The following MARCHF4 variants were observed in gnomAD, a reference collection of about 807,000 sequenced individuals.
MARCHF4 encodes membrane associated ring-CH-type finger 4, also known as E3 ubiquitin-protein ligase MARCHF4.
MARCHF4 carries 14 observed loss-of-function variants against 43.9 expected under a neutral mutation model. The ratio of observed to expected loss-of-function variants is 0.32; its 90% CI spans 0.21 to 0.50. The LOEUF (loss-of-function observed/expected upper bound fraction) is 0.50, where lower values mean the gene tolerates loss of function less well. MARCHF4 is among the 20% of genes least tolerant of loss of function. MARCHF4 has a pLI of 0.98. For synonymous variants in MARCHF4, 226 were observed against 213.3 expected (o/e 1.06, Z -0.52); for missense variants, 468 against 536.7 (o/e 0.87, Z 1.27).
chr2:216,289,761 G>A (rs1691277423), intron 1 of MARCHF4, among the ~76,000 whole-genome samples: 1 of 152,222 alleles, frequency 6.6e-6, no homozygotes, highest in Non-Finnish European at 1.5e-5. Context: ...GTGTAGCAAA[G>A]GCAGTCGTGT....
intron 3 of MARCHF4, among the ~76,000 whole-genome samples, chr2:216,263,484 GGAGAGAGAAAGA>G (rs1559280478): frequency 2.0e-5 from 2 of 99,244 alleles, no homozygotes; most frequent in African/African-American, 8.2e-5. Context: ...AGAGAAAGAA[GGAGAGAGAAAGA>G]GAGAGAGAGA....
intron 1 of MARCHF4, among the ~76,000 whole-genome samples, chr2:216,358,410 T>C (rs1406043262): frequency 6.6e-6 from 1 of 152,182 alleles, no homozygotes; most frequent in African/African-American, 2.4e-5. Flanking sequence ...GCCTTTAATG[T>C]CCAGTTTTTA....
chr2:216,329,730 G>A (rs371442736), intron 1 of MARCHF4, among the ~76,000 whole-genome samples: 16 of 150,108 alleles, frequency 1.1e-4, no homozygotes, highest in Admixed American at 4.7e-4. Flanking sequence ...ATACGAATAC[G>A]GTCATGCTAG....
At chr2:216,348,924 C>T (rs1451066469) in intron 1 of MARCHF4, among the ~76,000 whole-genome samples, 2 of 151,842 alleles carry the variant, frequency 1.3e-5, no homozygotes, top group African/African-American at 4.8e-5. Context: ...TCCAGAATTC[C>T]ACATTGCACT....
chr2:216,339,717 A>G (rs555540775), intron 1 of MARCHF4, among the ~76,000 whole-genome samples: 1 of 152,126 alleles, frequency 6.6e-6, no homozygotes, highest in East Asian at 1.9e-4. Flanking sequence ...TCGTTCATTC[A>G]TGTGCCTTCT....
chr2:216,285,157 A>T (rs1691198869), intron 1 of MARCHF4, among the ~76,000 whole-genome samples: 1 of 152,158 alleles, frequency 6.6e-6, no homozygotes. Flanking sequence ...AAAATAAATC[A>T]AGTGTCTTCT....
At chr2:216,280,895 A>G (rs538952507) in intron 2 of MARCHF4, among the ~76,000 whole-genome samples, 2 of 152,090 alleles carry the variant, frequency 1.3e-5, no homozygotes, top group African/African-American at 4.8e-5. Flanking sequence ...TGCAATTCAC[A>G]TGTAACAAAG....
At chr2:216,303,725 A>C (rs542358590) in intron 1 of MARCHF4, 10 of 152,288 alleles carry the variant, frequency 6.6e-5, no homozygotes, top group Admixed American at 3.9e-4. Context: ...CCTCTTGCCA[A>C]GTGAGCTGCT....
intron 1 of MARCHF4, among the ~76,000 whole-genome samples, chr2:216,323,999 C>T (rs1466527992): frequency 1.3e-5 from 2 of 151,980 alleles, no homozygotes; most frequent in African/African-American, 4.8e-5. Flanking sequence ...CACAAAAAAA[C>T]CCTTCAAAAA....
At position 216,297,621 on chromosome 2, in the gene MARCHF4, C is replaced by A. The variant is rs558943670; in HGVS notation, c.517-13892G>T. ...CCGCCTCCCCTGGGTTCAAGCAATTCTTTTGCCTTAGCCTCCCACGTAGCT... is the reference window on the plus strand; with the variant it reads ...CCGCCTCCCCTGGGTTCAAGCAATTATTTTGCCTTAGCCTCCCACGTAGCT... On this transcript the variant is annotated intron_variant, in intron 1 of 3. Coordinates refer to ENST00000273067, the MANE Select transcript of MARCHF4 (RefSeq NM_020814.3). Among the ~76,000 whole-genome samples, 9 of 152,350 alleles carry A rather than the reference C, an allele frequency of 5.9e-5. No individual in the cohort carries two copies. In the East Asian group the frequency reaches 9.7e-4, roughly 16 times the overall value.
intron 1 of MARCHF4, among the ~76,000 whole-genome samples, chr2:216,293,108 A>T (rs1046233645): frequency 3.9e-5 from 6 of 152,202 alleles, no homozygotes; most frequent in Non-Finnish European, 8.8e-5. Flanking sequence ...CAGACCAGCC[A>T]ATCTGAATTC....
chr2:216,327,113 C>T (rs1457570130), intron 1 of MARCHF4, among the ~76,000 whole-genome samples: 1 of 151,854 alleles, frequency 6.6e-6, no homozygotes, highest in Non-Finnish European at 1.5e-5. Context: ...GACTTTACTC[C>T]CTGCCTCCCT....
At chr2:216,288,364 G>A (rs1021858281) in intron 1 of MARCHF4, among the ~76,000 whole-genome samples, 4 of 152,120 alleles carry the variant, frequency 2.6e-5, no homozygotes, top group Admixed American at 6.6e-5. Context: ...TCACATTTCT[G>A]TAAGAACTTT....
rs574723463 is a variant in MARCHF4, at chr2:216,263,932, G to A, written c.866-4253C>T. On this transcript the variant is annotated intron_variant, in intron 3 of 3. Transcript: ENST00000273067. ...CTGGTGCAGAGAGTGAGGCTGCCAG[G>A]AGCTGGGCCCTGTGATGGTGGGTGA... is the stretch of plus-strand genomic sequence containing the variant. 3.3e-5 allele frequency among the ~76,000 whole-genome samples: 5 copies of A among 152,302 alleles called. No individual in the cohort carries two copies. The South Asian group carries it at 1.0e-3, about 32-fold the overall frequency.
chr2:216,347,345 A>G (rs1488764685), intron 1 of MARCHF4, among the ~76,000 whole-genome samples: 1 of 152,232 alleles, frequency 6.6e-6, no homozygotes, highest in African/African-American at 2.4e-5. Flanking sequence ...AATTCTGTAG[A>G]AAATAGAATG....
chr2:216,282,467 T>C (rs1691144862), intron 2 of MARCHF4, among the ~76,000 whole-genome samples: 1 of 149,422 alleles, frequency 6.7e-6, no homozygotes, highest in Admixed American at 6.7e-5. Context: ...CTTTCAGGAC[T>C]CCCCCCTCCA....
At chr2:216,343,933 G>A (rs1331068628) in intron 1 of MARCHF4, among the ~76,000 whole-genome samples, 1 of 152,186 alleles carries the variant, frequency 6.6e-6, no homozygotes, top group Non-Finnish European at 1.5e-5. Flanking sequence ...GAGAGGGAAT[G>A]AATGCTGGAG....
At chr2:216,307,166 G>A (rs975473677) in intron 1 of MARCHF4, among the ~76,000 whole-genome samples, 6 of 152,136 alleles carry the variant, frequency 3.9e-5, no homozygotes, top group African/African-American at 1.4e-4. Flanking sequence ...ACGTTAGATG[G>A]GCCCTCTCAG....
In MARCHF4 at chr2:216,370,082, G is replaced by T; in HGVS notation, c.179C>A (p.Ala60Glu). The T allele has an allele frequency of 1.3e-6, 2 of 1,579,030 alleles. No homozygotes were observed. Among genetic ancestry groups the T allele is most frequent in the Non-Finnish European group, 1.7e-6 (2 of 1,162,628 alleles). Residue 60 changes from alanine to glutamate, a missense_variant, in exon 1 of 4, where the codon GCG (alanine) becomes GAG (glutamate). By Grantham distance (107) the Ala-to-Glu change is moderately radical. This residue lies in a region of MARCHF4 where 190 missense variants were observed against 158.5 expected (regional missense o/e 1.20). Coordinates refer to ENST00000273067, the MANE Select transcript of MARCHF4 (RefSeq NM_020814.3). Reference sequence around the variant, plus strand: ...GGGGTCGCCGTGCATGGGCAGGGGCGCTTGAGGAGGGCGCCGCAGTAAGAA... The same window carrying T: ...GGGGTCGCCGTGCATGGGCAGGGGCTCTTGAGGAGGGCGCCGCAGTAAGAA... ...KVFLLRRPPQ[A>E]PLPMHGDPQP...
Sources: gnomAD v4.1 joint callset for allele counts (sites outside exome capture counted in the v4.1 genomes callset) on GRCh38, gnomAD v4.1.1 for gene constraint, gnomAD v4.1.1 regional missense constraint, MANE v1.5 for transcripts, NCBI Gene and HGNC (gene_info 2026-07-23, HGNC 2026-07-21) for gene names.